RPSA2: variants seen among roughly 807,000 people sequenced by gnomAD.
RPSA2 encodes small ribosomal subunit protein uS2B.
chr19:23,794,536 C>T, the RPSA2 span, among the ~76,000 whole-genome samples: 34 of 151,806 alleles, frequency 2.2e-4, no homozygotes, highest in Admixed American at 3.9e-4. Context: ...TTAGTGAGGT[C>T]TTTTTTTTCT....
chr19:23,868,881 A>C, the RPSA2 span, among the ~76,000 whole-genome samples: 1 of 152,162 alleles, frequency 6.6e-6, no homozygotes, highest in Non-Finnish European at 1.5e-5. Context: ...GCTGAGCCTG[A>C]GTGCAAAAAT....
At chr19:23,804,587 G>A in the RPSA2 span, among the ~76,000 whole-genome samples, 5 of 151,656 alleles carry the variant, frequency 3.3e-5, no homozygotes, top group African/African-American at 9.7e-5. Flanking sequence ...GAGCCACCGC[G>A]TCCGGCCTGT....
At chr19:23,832,362 G>A in the RPSA2 span, 2 of 493,666 alleles carry the variant, frequency 4.1e-6, no homozygotes, top group Non-Finnish European at 8.2e-6. Context: ...CTGAACATAG[G>A]AGAGTCCATA....
At chr19:23,760,734 G>A in the RPSA2 span, among the ~76,000 whole-genome samples, 11 of 148,534 alleles carry the variant, frequency 7.4e-5, no homozygotes, top group Middle Eastern at 3.6e-3. Context: ...GTGCAGTCTC[G>A]GCTCACTGCA....
At chr19:23,767,104 C>G in the RPSA2 span, among the ~76,000 whole-genome samples, 1 of 151,806 alleles carries the variant, frequency 6.6e-6, no homozygotes, top group African/African-American at 2.4e-5. Flanking sequence ...GCCACCACGC[C>G]CAGCTAATTG....
the RPSA2 span, among the ~76,000 whole-genome samples, chr19:23,869,137 C>T: frequency 6.6e-6 from 1 of 152,182 alleles, no homozygotes; most frequent in Non-Finnish European, 1.5e-5. Flanking sequence ...GAGTGACACT[C>T]CTCCTGAGAT....
At chr19:23,780,371 C>T in the RPSA2 span, among the ~76,000 whole-genome samples, 148,872 of 152,198 alleles carry the variant, frequency 0.98, 72,901 homozygotes, top group Middle Eastern at 1. Context: ...CGGCCGGGCG[C>T]GGTGGCTCAC....
chr19:23,810,040 A>G, the RPSA2 span, among the ~76,000 whole-genome samples: 2 of 152,206 alleles, frequency 1.3e-5, no homozygotes, highest in South Asian at 2.1e-4. Flanking sequence ...GAAGGGTTGT[A>G]GCTTGGTCTT....
At chr19:23,862,781 G>A in the RPSA2 span, among the ~76,000 whole-genome samples, 1 of 151,518 alleles carries the variant, frequency 6.6e-6, no homozygotes, top group East Asian at 1.9e-4. Context: ...AACAGTCCTG[G>A]GGACAAACTT....
the RPSA2 span, among the ~76,000 whole-genome samples, chr19:23,824,867 T>G: frequency 1.3e-5 from 2 of 151,868 alleles, no homozygotes; most frequent in African/African-American, 2.4e-5. Flanking sequence ...GTTTTCACCC[T>G]TTTTTATCTT....
At chr19:23,778,739 T>C in the RPSA2 span, among the ~76,000 whole-genome samples, 1 of 151,884 alleles carries the variant, frequency 6.6e-6, no homozygotes, top group African/African-American at 2.4e-5. Flanking sequence ...GATGTGACTC[T>C]TCTTCTTGGG....
At chr19:23,809,210 TTC>T in the RPSA2 span, 1 of 152,230 alleles carries the variant, frequency 6.6e-6, no homozygotes, top group Non-Finnish European at 1.5e-5. Flanking sequence ...CGGTTTCTGT[TTC>T]ACTGGTTTTC....
chr19:23,852,940 A>C, the RPSA2 span, among the ~76,000 whole-genome samples: 2 of 152,230 alleles, frequency 1.3e-5, no homozygotes, highest in Non-Finnish European at 2.9e-5. Context: ...TGTGTAATCC[A>C]GCTTCTGTAA....
the RPSA2 span, among the ~76,000 whole-genome samples, chr19:23,780,924 G>A: frequency 0.011 from 1,685 of 152,290 alleles, 35 homozygotes; most frequent in African/African-American, 0.038. Context: ...CACTTTTGGA[G>A]ATAGTTGAAT....
At chr19:23,832,971 C>A in the RPSA2 span, 1 of 1,477,160 alleles carries the variant, frequency 6.8e-7, no homozygotes, top group South Asian at 1.2e-5. Context: ...TAAAACCCTA[C>A]AAGTGTGAAG....
the RPSA2 span, among the ~76,000 whole-genome samples, chr19:23,824,946 T>C: frequency 3.9e-5 from 6 of 152,004 alleles, no homozygotes; most frequent in Admixed American, 3.3e-4. Context: ...TTGATGGTTA[T>C]CTAATAAGTT....
At chr19:23,838,465 A>G in the RPSA2 span, among the ~76,000 whole-genome samples, 1 of 151,496 alleles carries the variant, frequency 6.6e-6, no homozygotes, top group Non-Finnish European at 1.5e-5. Context: ...AATTAGGGAG[A>G]GTTCTTTATC....
At chr19:23,843,400 G>GT in the RPSA2 span, among the ~76,000 whole-genome samples, 2 of 152,206 alleles carry the variant, frequency 1.3e-5, no homozygotes, top group Admixed American at 1.3e-4. Flanking sequence ...AAGCCATTTT[G>GT]TTTTTTTCCC....
chr19:23,761,914 T>TCC, the RPSA2 span, among the ~76,000 whole-genome samples: 1 of 93,334 alleles, frequency 1.1e-5, no homozygotes, highest in African/African-American at 4.5e-5. Flanking sequence ...CTTTCTTTCT[T>TCC]TCTTTCTTTT....
Sources: gnomAD v4.1 joint callset for allele counts (sites outside exome capture counted in the v4.1 genomes callset) on GRCh38, gnomAD v4.1.1 for gene constraint, MANE v1.5 for transcripts, NCBI Gene and HGNC (gene_info 2026-07-23, HGNC 2026-07-21) for gene names.